ZFHX3: variants seen among roughly 807,000 people sequenced by gnomAD.
The protein encoded by ZFHX3 is zinc finger homeobox protein 3.
Under a neutral mutation model 279.1 loss-of-function variants are expected in ZFHX3, and 42 were observed. The ratio of observed to expected loss-of-function variants is 0.15; its 90% CI spans 0.12 to 0.19. ZFHX3 has a LOEUF of 0.19. ZFHX3 is among the 10% of genes least tolerant of loss of function. The pLI, the probability that ZFHX3 is intolerant of heterozygous loss-of-function variation, is 1.00. For synonymous variants in ZFHX3, 2,293 were observed against 1,957.8 expected, an observed-to-expected ratio of 1.17 and a Z score of -4.52; for missense variants, 4,981 against 4,754.0, an observed-to-expected ratio of 1.05 and a Z score of -1.40.
chr16:72,822,565 A>G (rs1258218724), intron 5 of ZFHX3, among the ~76,000 whole-genome samples: 1 of 152,204 alleles, frequency 6.6e-6, no homozygotes, highest in Non-Finnish European at 1.5e-5. Flanking sequence ...TTATAATAAC[A>G]GAGGTACTTT....
At chr16:73,276,637 A>C (rs968933082) in intron 4 of ZFHX3, among the ~76,000 whole-genome samples, 1 of 152,246 alleles carries the variant, frequency 6.6e-6, no homozygotes, top group African/African-American at 2.4e-5. Context: ...AAAGTGTACA[A>C]AACGATGTTT....
chr16:73,877,201 T>TGGGGGGGGGGGGGGGG (rs112129642), intron 1 of ZFHX3, among the ~76,000 whole-genome samples: 2 of 105,578 alleles, frequency 1.9e-5, no homozygotes, highest in African/African-American at 7.2e-5. Context: ...GGGGGTTAGG[T>TGGGGGGGGGGGGGGGG]CGGGGGGGGG....
In ZFHX3 at chr16:73,450,558, A is replaced by G. The variant is rs560101543; in HGVS notation, c.-1291+5445T>C. Among the ~76,000 whole-genome samples the G allele has an allele frequency of 4.6e-5, 7 of 152,314 alleles. No individual in the cohort carries two copies. In the South Asian group the frequency reaches 1.2e-3, roughly 27 times the overall value. On this transcript the variant is annotated intron_variant, in intron 3 of 17. Coordinates refer to the ZFHX3 transcript ENST00000641206. ...TTCATAATTTTGCTTATGGTATCAA[A>G]CGAAAGTAGCAATCACTTGACTTTA...
intron 3 of ZFHX3, among the ~76,000 whole-genome samples, chr16:73,445,127 T>G (rs2018160295): frequency 6.6e-6 from 1 of 152,014 alleles, no homozygotes; most frequent in African/African-American, 2.4e-5. Flanking sequence ...AGAACGAGAC[T>G]GTCTGAAAAA....
At position 73,460,731 on chromosome 16, in the gene ZFHX3, T is replaced by G. The variant is rs567130604; in HGVS notation, c.-1546-4473A>C. Among the ~76,000 whole-genome samples the G allele has an allele frequency of 4.6e-5, 7 of 152,288 alleles. No homozygotes were observed. In the South Asian group the frequency reaches 1.5e-3, roughly 32 times the overall value. ...GCAGCTAATTGGATCATGAGGGCAG[T>G]TTCTCATGAATGCTTTAGCACCATC... On this transcript the variant is annotated intron_variant, in intron 2 of 17. Coordinates refer to the ZFHX3 transcript ENST00000641206.
intron 2 of ZFHX3, among the ~76,000 whole-genome samples, chr16:73,510,839 CA>C (rs1034276005): frequency 1.1e-4 from 16 of 152,230 alleles, no homozygotes; most frequent in Non-Finnish European, 1.9e-4. Flanking sequence ...CTTAGGGTAA[CA>C]AAATCCTTAA....
In ZFHX3 at chr16:73,382,942, C is replaced by T. The variant is rs1428459829; in HGVS notation, c.-1290-64606G>A. Among the ~76,000 whole-genome samples, 3 of 152,096 alleles carry T rather than the reference C, an allele frequency of 2.0e-5. No individual in the cohort carries two copies. In the East Asian group the frequency reaches 5.8e-4, roughly 29 times the overall value. ...ATTATGGAAAGGGGAGGCAAGAAGACCTGTTGCAGTCTGAAGGAACCGGTG... is the reference window on the plus strand; with the variant it reads ...ATTATGGAAAGGGGAGGCAAGAAGATCTGTTGCAGTCTGAAGGAACCGGTG... On this transcript the variant is annotated intron_variant, in intron 3 of 17. Coordinates refer to the ZFHX3 transcript ENST00000641206.
At chr16:72,921,069 CAAAAAAA>C (rs57294537) in intron 3 of ZFHX3, among the ~76,000 whole-genome samples, 10 of 23,582 alleles carry the variant, frequency 4.2e-4, no homozygotes, top group Admixed American at 7.6e-4. Context: ...CAGACCTTGT[CAAAAAAA>C]AAAAAAAAAA....
chr16:72,793,103 A>T lies in ZFHX3; in HGVS notation c.9427+152T>A. 7.1e-7 allele frequency: 1 copy of T among 1,402,388 alleles called. No homozygotes were observed. Among genetic ancestry groups the T allele is most frequent in the Non-Finnish European group, 9.5e-7 (1 of 1,048,662 alleles). The allele number at this position is 1,402,388 out of a possible 1,614,324, so 86.9% of individuals were successfully genotyped here. A position where few individuals can be genotyped will look rare whatever the true frequency, so the allele number is the denominator to read the frequency against. On this transcript the variant is annotated intron_variant, in intron 9 of 9. Transcript: ENST00000268489. The surrounding 1 kb of genome is among the most constrained non-coding windows in gnomAD (Gnocchi z 4.3). Reference sequence around the variant, plus strand: ...CACACCAGTACTTGGGAGACTCAACAGGAACGAACTGAAGTCTTGTTGCTT... The same window carrying T: ...CACACCAGTACTTGGGAGACTCAACTGGAACGAACTGAAGTCTTGTTGCTT...
At chr16:73,339,219 C>T (rs1019207781) in intron 3 of ZFHX3, among the ~76,000 whole-genome samples, 1 of 152,202 alleles carries the variant, frequency 6.6e-6, no homozygotes, top group Non-Finnish European at 1.5e-5. Context: ...GAATGTAGAG[C>T]TTTTCTCCTG....
At chr16:73,886,270 C>T (rs1487135589) in intron 1 of ZFHX3, among the ~76,000 whole-genome samples, 2 of 151,704 alleles carry the variant, frequency 1.3e-5, no homozygotes, top group Admixed American at 6.6e-5. Context: ...AACCAGAATT[C>T]GTTTATGGAT....
chr16:73,762,687 G>A (rs148839176), intron 1 of ZFHX3, among the ~76,000 whole-genome samples: 91 of 152,278 alleles, frequency 6.0e-4, no homozygotes, highest in Non-Finnish European at 1.0e-3. Context: ...GGACATGGAT[G>A]GAGCAAGAAG....
At chr16:73,289,632 G>A (rs755876018) in intron 4 of ZFHX3, among the ~76,000 whole-genome samples, 30 of 152,048 alleles carry the variant, frequency 2.0e-4, no homozygotes, top group Admixed American at 7.9e-4. Context: ...CCATCCCCAA[G>A]CAGGAGCTGC....
chr16:73,705,833 T>C (rs998464526), intron 1 of ZFHX3, among the ~76,000 whole-genome samples: 1 of 152,202 alleles, frequency 6.6e-6, no homozygotes, highest in Non-Finnish European at 1.5e-5. Context: ...CATGGACCCA[T>C]ATCCAATTTA....
In ZFHX3 at chr16:72,793,275, C is replaced by T. The variant is rs1428962569; in HGVS notation, c.9407G>A (p.Gly3136Asp). The T allele has an allele frequency of 1.2e-6, 2 of 1,613,350 alleles. No homozygotes were observed. Among genetic ancestry groups the T allele is most frequent in the East Asian group, 2.2e-5 (1 of 44,870 alleles). Residue 3136 changes from glycine (G) to aspartate (D), a missense_variant, in exon 9 of 10, where the codon GGC becomes GAC. Transcript: ENST00000268489. The surrounding 1 kb of genome is among the most constrained non-coding windows in gnomAD (Gnocchi z 4.3). ...CCCACCTGTGTTGGATGGAGTAAAG[C>T]CTGGCAAGGAGGGGCTGTTGAGGCC... Reference protein sequence around the residue: ...LPGLNSPSLPGFTPSNTALTS... With the variant: ...LPGLNSPSLPDFTPSNTALTS...
At chr16:73,396,966 C>T (rs2143416186) in intron 3 of ZFHX3, among the ~76,000 whole-genome samples, 1 of 152,336 alleles carries the variant, frequency 6.6e-6, no homozygotes, top group African/African-American at 2.4e-5. Flanking sequence ...CAGACCTTAA[C>T]ACTGATCCTG....
At chr16:73,575,012 T>C (rs1339827518) in intron 2 of ZFHX3, among the ~76,000 whole-genome samples, 2 of 152,232 alleles carry the variant, frequency 1.3e-5, no homozygotes, top group Non-Finnish European at 2.9e-5. Flanking sequence ...CTTATCCATA[T>C]GCTCTTTTAA....
At chr16:73,494,724 T>C (rs1407941045) in intron 2 of ZFHX3, among the ~76,000 whole-genome samples, 1 of 129,952 alleles carries the variant, frequency 7.7e-6, no homozygotes, top group East Asian at 2.2e-4. Flanking sequence ...CATGACCGGC[T>C]AATTTTTTTT....
At chr16:73,506,066 C>T (rs12923860) in intron 2 of ZFHX3, among the ~76,000 whole-genome samples, 6,061 of 152,266 alleles carry the variant, frequency 0.04, 151 homozygotes, top group Non-Finnish European at 0.055. Context: ...AAATTCACTT[C>T]GCTCAAACTT....
Sources: allele counts gnomAD v4.1 joint callset (sites outside exome capture counted in the v4.1 genomes callset), GRCh38; gene constraint gnomAD v4.1.1; non-coding constraint Gnocchi (gnomAD v3.1); transcripts MANE v1.5; gene names NCBI Gene and HGNC (gene_info 2026-07-23, HGNC 2026-07-21).